RIMS2: variants seen among roughly 807,000 people sequenced by gnomAD.
RIMS2 encodes the protein regulating synaptic membrane exocytosis protein 2.
Under a neutral mutation model 174.4 loss-of-function variants are expected in RIMS2, and 59 were observed. That is an observed-to-expected ratio of 0.34 (90% CI 0.27 to 0.42). RIMS2 has a LOEUF of 0.42. Ranked by LOEUF, RIMS2 falls within the 10% of genes least tolerant of loss-of-function variation. The pLI, the probability that RIMS2 is intolerant of heterozygous loss-of-function variation, is 1.00. For synonymous variants in RIMS2, 606 were observed against 572.5 expected (o/e 1.06, Z -0.84); for missense variants, 1,620 against 1,666.3 (o/e 0.97, Z 0.48).
chr8:103,536,728 G>A (rs1225847208), intron 1 of RIMS2, among the ~76,000 whole-genome samples: 1 of 152,082 alleles, frequency 6.6e-6, no homozygotes, highest in Non-Finnish European at 1.5e-5. Context: ...ACCAGGAAGT[G>A]GTGCTAAACT....
intron 19 of RIMS2, among the ~76,000 whole-genome samples, chr8:104,025,491 G>A (rs779427391): frequency 3.9e-5 from 6 of 152,020 alleles, no homozygotes; most frequent in African/African-American, 1.2e-4. Context: ...TGTCTGTAAA[G>A]CAAATATACA....
chr8:103,829,701 A>G (rs1301013002), intron 3 of RIMS2, among the ~76,000 whole-genome samples: 2 of 152,156 alleles, frequency 1.3e-5, no homozygotes, highest in Non-Finnish European at 2.9e-5. Flanking sequence ...ACTGGGGCCT[A>G]CTTGAGGATG....
chr8:104,036,660 T>C (rs1435433501), intron 19 of RIMS2, among the ~76,000 whole-genome samples: 1 of 151,728 alleles, frequency 6.6e-6, no homozygotes, highest in Non-Finnish European at 1.5e-5. Context: ...GGGCAGATCA[T>C]GAGGTCAGGA....
At chr8:103,715,352 CA>C (rs1331873883) in intron 2 of RIMS2, among the ~76,000 whole-genome samples, 1 of 152,068 alleles carries the variant, frequency 6.6e-6, no homozygotes, top group Non-Finnish European at 1.5e-5. Flanking sequence ...CAACAGGCCC[CA>C]GTGTATGGTA....
At chr8:103,685,934 A>C (rs1316174726) in intron 1 of RIMS2, among the ~76,000 whole-genome samples, 1 of 152,140 alleles carries the variant, frequency 6.6e-6, no homozygotes, top group Non-Finnish European at 1.5e-5. Flanking sequence ...GATCTTAACA[A>C]TTTTAGTCTT....
At chr8:103,881,868 G>A (rs1565092144) in intron 3 of RIMS2, among the ~76,000 whole-genome samples, 2 of 151,222 alleles carry the variant, frequency 1.3e-5, no homozygotes, top group African/African-American at 2.4e-5. Flanking sequence ...ATCGATATTA[G>A]GTAAATATAA....
intron 19 of RIMS2, among the ~76,000 whole-genome samples, chr8:104,046,316 A>C (rs1389469923): frequency 3.3e-5 from 5 of 151,998 alleles, no homozygotes; most frequent in African/African-American, 1.2e-4. Flanking sequence ...TCATGACCTA[A>C]TTACCCACCA....
At chr8:103,936,524 T>C in intron 12 of RIMS2, 27 bp from the exon 15 acceptor site, 1 of 1,449,782 alleles carries the variant, frequency 6.9e-7, no homozygotes, top group Non-Finnish European at 9.3e-7. Flanking sequence ...TCTATGTAAG[T>C]TCATAATTCA....
chr8:104,087,815 G>A (rs937139331), intron 19 of RIMS2, among the ~76,000 whole-genome samples: 2 of 152,110 alleles, frequency 1.3e-5, no homozygotes, highest in Non-Finnish European at 2.9e-5. Flanking sequence ...TCAGTCTCCA[G>A]TGAAAATTTT....
intron 19 of RIMS2, among the ~76,000 whole-genome samples, chr8:104,174,226 C>T (rs534982098): frequency 2.0e-4 from 31 of 152,164 alleles, no homozygotes; most frequent in African/African-American, 7.0e-4. Flanking sequence ...GGATTACAGG[C>T]GTGAGCCGCT....
At chr8:104,196,083 G>T (rs761314614) in intron 19 of RIMS2, among the ~76,000 whole-genome samples, 1 of 152,096 alleles carries the variant, frequency 6.6e-6, no homozygotes, top group South Asian at 2.1e-4. Context: ...GAAATATTTG[G>T]TTTTTAGGTA....
chr8:104,083,642 G>A (rs192810883), intron 19 of RIMS2, among the ~76,000 whole-genome samples: 134 of 152,278 alleles, frequency 8.8e-4, no homozygotes, highest in African/African-American at 3.1e-3. Flanking sequence ...GAAGCATTTA[G>A]TCATAATAAA....
At chr8:103,561,263 A>G (rs2091544711) in intron 1 of RIMS2, among the ~76,000 whole-genome samples, 1 of 152,174 alleles carries the variant, frequency 6.6e-6, no homozygotes, top group Admixed American at 6.5e-5. Context: ...ATTTTAGATA[A>G]TTTTGATCTG....
chr8:104,115,393 G>A (rs2098263590), intron 19 of RIMS2, among the ~76,000 whole-genome samples: 1 of 151,602 alleles, frequency 6.6e-6, no homozygotes, highest in South Asian at 2.1e-4. Flanking sequence ...AGTGAGGAGG[G>A]AAGGATTTTT....
intron 2 of RIMS2, among the ~76,000 whole-genome samples, chr8:103,756,985 G>A (rs2098023428): frequency 9.9e-6 from 1 of 101,002 alleles, no homozygotes; most frequent in South Asian, 2.9e-4. Flanking sequence ...GTGTCTGTGT[G>A]TGTGTGTGTG....
In RIMS2 at chr8:103,927,884, GT is replaced by G; in HGVS notation, c.2241del (p.Gln748ArgfsTer2). On this transcript the variant is annotated frameshift_variant, in exon 11 of 24. Coordinates refer to ENST00000504942, the Ensembl canonical transcript of RIMS2. LOFTEE classifies it high-confidence loss of function. Reference sequence around the variant, plus strand: ...AAGAACAACGCCTTTTGTTCCTAGGGTTCAGGTAAAGGCCTTGTCTGCCTGA... The same window carrying G: ...AAGAACAACGCCTTTTGTTCCTAGGGTCAGGTAAAGGCCTTGTCTGCCTGA... 6.2e-7 allele frequency: 1 copy of G among 1,607,522 alleles called. No homozygotes were observed. Among genetic ancestry groups the G allele is most frequent in the Non-Finnish European group, 8.5e-7 (1 of 1,176,092 alleles).
intron 1 of RIMS2, among the ~76,000 whole-genome samples, chr8:103,594,773 GTTGGTGATTAC>G (rs1366296517): frequency 6.6e-6 from 1 of 151,874 alleles, no homozygotes; most frequent in African/African-American, 2.4e-5. Flanking sequence ...GACAAAGTAG[GTTGGTGATTAC>G]TTGGCTTCAA....
At chr8:103,655,187 G>C (rs2096512448) in intron 1 of RIMS2, among the ~76,000 whole-genome samples, 1 of 151,822 alleles carries the variant, frequency 6.6e-6, no homozygotes, top group South Asian at 2.1e-4. Context: ...ATTTGTTTTA[G>C]TTGCCAGTTA....
intron 13 of RIMS2, among the ~76,000 whole-genome samples, chr8:103,938,913 C>G (rs2081927716): frequency 6.6e-6 from 1 of 152,226 alleles, no homozygotes; most frequent in African/African-American, 2.4e-5. Context: ...ACATCCAGGT[C>G]ACGCTGATGC....
Sources: gnomAD v4.1 joint callset for allele counts (sites outside exome capture counted in the v4.1 genomes callset) on GRCh38, gnomAD v4.1.1 for gene constraint, MANE v1.5 for transcripts, NCBI Gene and HGNC (gene_info 2026-07-23, HGNC 2026-07-21) for gene names.